The following MTUS1 variants were observed in gnomAD, a reference collection of about 807,000 sequenced individuals.
MTUS1 encodes the protein microtubule associated scaffold protein 1, also known as microtubule-associated tumor suppressor 1.
MTUS1 carries 109 observed loss-of-function variants against 120.8 expected under a neutral mutation model. The observed-to-expected ratio is 0.90, with a 90% confidence interval of 0.77 to 1.06. MTUS1 has a LOEUF of 1.06. Ranked by LOEUF, MTUS1 falls within the 50% of genes least tolerant of loss-of-function variation. The pLI is 0.00. For missense variants in MTUS1, 2,210 were observed against 1,486.3 expected, an observed-to-expected ratio of 1.49 and a Z score of -8.01; for synonymous variants, 737 against 550.5, an observed-to-expected ratio of 1.34 and a Z score of -4.74.
At chr8:17,697,348 G>A (rs773168547) in intron 6 of MTUS1, 1 of 1,614,128 alleles carries the variant, frequency 6.2e-7, no homozygotes, top group South Asian at 1.1e-5. Flanking sequence ...TGTGAATGGT[G>A]GATAAGGAGA....
intron 1 of MTUS1, among the ~76,000 whole-genome samples, chr8:17,762,546 G>T (rs1047085924): frequency 2.6e-5 from 4 of 152,138 alleles, no homozygotes; most frequent in Admixed American, 1.3e-4. Flanking sequence ...CCTAGGAACC[G>T]AGTAGAGGAG....
In MTUS1 at chr8:17,715,706, C is replaced by G. The variant is rs1486067042; in HGVS notation, c.2584+61G>C. 17 of 1,516,096 alleles carry G rather than the reference C, an allele frequency of 1.1e-5. 1 individual carries two copies. Among genetic ancestry groups the G allele is most frequent in the Non-Finnish European group, 9.7e-6 (11 of 1,130,204 alleles). 93.9% of individuals were successfully genotyped at this position (1,516,096 alleles called of 1,614,324 possible). A position where few individuals can be genotyped will look rare whatever the true frequency, so the allele number is the denominator to read the frequency against. On this transcript the variant is annotated intron_variant, in intron 5 of 14. Transcript: ENST00000693296. ...AACCTAATTGTCAAAATTTAACTTT[C>G]TACAAGCCAAGGACTTTAAGCGTCT...
rs756299362 is a variant in MTUS1, at chr8:17,645,983, A to T, written c.3756T>A (p.Pro1252=). 8 of 1,613,510 alleles carry T rather than the reference A, an allele frequency of 5.0e-6. No individual in the cohort carries two copies. Among genetic ancestry groups the T allele is most frequent in the Non-Finnish European group, 6.8e-6 (8 of 1,179,956 alleles). ...AGCCCGAATTCCTTGGTGACTGCAA[A>T]GGGATGGCGGAGGATGTGGGGGATC... ...PKRSPTSSAI[P]LQSPRNSGSF... The change falls in exon 15 of 15, where the codon CCT becomes CCA. Residue 1252 remains proline, a synonymous_variant. Transcript: ENST00000693296.
chr8:17,796,083 G>A (rs2052203131), intron 1 of MTUS1, among the ~76,000 whole-genome samples: 1 of 151,896 alleles, frequency 6.6e-6, no homozygotes, highest in Non-Finnish European at 1.5e-5. Flanking sequence ...CTGAGTAGCT[G>A]GGATTACAGG....
At chr8:17,716,171 A>C (rs943259991) in intron 4 of MTUS1, among the ~76,000 whole-genome samples, 2 of 152,184 alleles carry the variant, frequency 1.3e-5, no homozygotes, top group African/African-American at 4.8e-5. Flanking sequence ...TTCATCCCAG[A>C]TAAGAGTTGG....
intron 2 of MTUS1, among the ~76,000 whole-genome samples, chr8:17,748,982 A>C (rs371411406): frequency 6.2e-4 from 94 of 152,286 alleles, no homozygotes; most frequent in African/African-American, 2.2e-3. Flanking sequence ...TTCTCCCTTT[A>C]CATTAATGTA....
rs146004545 is a variant in MTUS1, at chr8:17,752,484, T to G, written c.2091+1233A>C. On this transcript the variant is annotated intron_variant, in intron 2 of 14. Transcript: ENST00000693296. Reference sequence around the variant, plus strand: ...GAAACAACGGATGAACTCATTAGTTTAGAAATCACTGTGGTGTACCCTTCT... The same window carrying G: ...GAAACAACGGATGAACTCATTAGTTGAGAAATCACTGTGGTGTACCCTTCT... Among the ~76,000 whole-genome samples the G allele has an allele frequency of 7.4e-3, 1,122 of 152,358 alleles. 12 individuals are homozygous for G. Among genetic ancestry groups the G allele is most frequent in the African/African-American group, 0.025 (1,041 of 41,582 alleles).
intron 7 of MTUS1, chr8:17,681,483 C>A (rs1814491799): frequency 6.5e-6 from 1 of 154,150 alleles, no homozygotes; most frequent in Non-Finnish European, 1.5e-5. Context: ...GGCAAATTAC[C>A]TAACTCTATG....
At chr8:17,762,963 T>A (rs890947566) in intron 1 of MTUS1, among the ~76,000 whole-genome samples, 3 of 151,440 alleles carry the variant, frequency 2.0e-5, no homozygotes, top group Non-Finnish European at 4.4e-5. Flanking sequence ...CAACAGTGGC[T>A]GTCAGGGCTG....
intron 6 of MTUS1, among the ~76,000 whole-genome samples, chr8:17,695,571 T>G (rs1020768112): frequency 2.6e-5 from 4 of 152,242 alleles, no homozygotes; most frequent in Non-Finnish European, 4.4e-5. Flanking sequence ...AAGCCTTGTG[T>G]CGTTTGCTTA....
rs780583170 is a variant in MTUS1 at position 17,653,465 on chromosome 8, G to A, written c.3248C>T (p.Ser1083Leu). 21 of 1,612,128 alleles carry A rather than the reference G, an allele frequency of 1.3e-5. No individual in the cohort carries two copies. Among genetic ancestry groups the A allele is most frequent in the East Asian group, 1.1e-4 (5 of 44,802 alleles). ...CTTCTCAGAAAGTAAATCTTCAAGC[G>A]ATTTCTTTTCTATTTCATGGCCTTT... ...IKKGHEIEKK[S>L]LEDLLSEKQE... Residue 1083 changes from serine to leucine, a missense_variant, in exon 11 of 15, where the codon TCG becomes TTG. By Grantham distance (145) the Ser-to-Leu change is moderately radical. Coordinates refer to ENST00000693296, the MANE Select transcript of MTUS1 (RefSeq NM_001363059.2).
rs999963486 is a variant in MTUS1, at chr8:17,786,534, T to C, written c.-155+14527A>G. ...TAAAATCCTCAAGGAGATATTTATC[T>C]GCAAGCGACTCTTTGAAACCAAAAA... On this transcript the variant is annotated intron_variant, in intron 1 of 14. Transcript: ENST00000693296. 2.1e-5 allele frequency among the ~76,000 whole-genome samples: 3 copies of C among 144,752 alleles called. No individual in the cohort carries two copies. The Admixed American group carries it at 2.2e-4, about 10-fold the overall frequency. The allele number at this position is 144,752 out of a possible 152,430, so 95.0% of individuals were successfully genotyped here. A position where few individuals can be genotyped will look rare whatever the true frequency, so the allele number is the denominator to read the frequency against.
intron 7 of MTUS1, among the ~76,000 whole-genome samples, chr8:17,682,094 G>A (rs1585653677): frequency 1.3e-5 from 2 of 152,186 alleles, no homozygotes; most frequent in East Asian, 3.8e-4. Context: ...CACATCAGCT[G>A]TAGATAAGGG....
At chr8:17,748,617 T>A (rs2047949510) in intron 2 of MTUS1, among the ~76,000 whole-genome samples, 1 of 152,146 alleles carries the variant, frequency 6.6e-6, no homozygotes, top group Admixed American at 6.5e-5. Flanking sequence ...CACCACCACC[T>A]GGGCACCACT....
At chr8:17,681,200 C>G (rs1456970053) in intron 7 of MTUS1, among the ~76,000 whole-genome samples, 1 of 152,182 alleles carries the variant, frequency 6.6e-6, no homozygotes, top group Non-Finnish European at 1.5e-5. Flanking sequence ...TCCCCAAGTG[C>G]TGGGATTACA....
intron 5 of MTUS1, 79 bp from the exon 6 acceptor site, chr8:17,713,331 T>C (rs1821702305): frequency 5.5e-6 from 5 of 910,290 alleles, no homozygotes; most frequent in Non-Finnish European, 8.7e-6. Flanking sequence ...TTGATAAGAA[T>C]TATTTTCAAA....
At chr8:17,732,225 A>T (rs1017125541) in intron 3 of MTUS1, among the ~76,000 whole-genome samples, 2 of 152,218 alleles carry the variant, frequency 1.3e-5, no homozygotes, top group Non-Finnish European at 2.9e-5. Flanking sequence ...ATGAATCGTC[A>T]AACCTGGAAC....
intron 6 of MTUS1, among the ~76,000 whole-genome samples, chr8:17,699,467 G>A (rs431787): frequency 0.57 from 86,310 of 151,960 alleles, 24,745 homozygotes; most frequent in Middle Eastern, 0.66. Context: ...CACACACCTC[G>A]GCCTCCCAAG....
At chr8:17,720,381 G>A (rs1260611485) in intron 4 of MTUS1, among the ~76,000 whole-genome samples, 1 of 151,690 alleles carries the variant, frequency 6.6e-6, no homozygotes, top group African/African-American at 2.4e-5. Flanking sequence ...AACAAACTAA[G>A]GTGGGTCCAA....
Sources: gnomAD v4.1 joint callset for allele counts (sites outside exome capture counted in the v4.1 genomes callset) on GRCh38, gnomAD v4.1.1 for gene constraint, MANE v1.5 for transcripts, NCBI Gene and HGNC (gene_info 2026-07-23, HGNC 2026-07-21) for gene names.